Variants in CTSV observed in about 807,000 individuals in gnomAD.
CTSV encodes cathepsin V, also known as cathepsin L2.
In CTSV, 33 loss-of-function variants were observed where a neutral mutation model predicts 35.6. The ratio of observed to expected loss-of-function variants is 0.93; its 90% confidence interval spans 0.70 to 1.24. The LOEUF (loss-of-function observed/expected upper bound fraction) is 1.24. Among genes scored for constraint, CTSV ranks in the 50% most tolerant of loss-of-function variants. The pLI, the probability that CTSV is intolerant of heterozygous loss-of-function variation, is 0.00. For synonymous variants in CTSV, 154 were observed against 147.1 expected (o/e 1.05, Z -0.34); for missense variants, 408 against 413.1 (o/e 0.99, Z 0.11).
chr9:97,033,379 C>A (rs539660475), intron 7 of CTSV, among the ~76,000 whole-genome samples: 1 of 148,428 alleles, frequency 6.7e-6, no homozygotes, highest in Non-Finnish European at 1.5e-5. Context: ...GAGGCTGAGG[C>A]GGGTGGATCA....
chr9:97,034,871 G>T, intron 6 of CTSV, 28 bp from the exon 7 acceptor site: 1 of 1,570,474 alleles, frequency 6.4e-7, no homozygotes, highest in Non-Finnish European at 8.8e-7. Context: ...ATGCTGGGGT[G>T]AGAAGCTCCA....
rs966255726 is a variant in CTSV, at chr9:97,037,520, T to C, written c.222A>G (p.Thr74=). 5.0e-6 allele frequency: 8 copies of C among 1,614,076 alleles called. No homozygotes were observed. The African/African-American group carries it at 9.3e-5, about 19-fold the overall frequency. The change falls in exon 3 of 8, where the codon ACA becomes ACG. Residue 74 remains threonine, a synonymous_variant. Coordinates refer to ENST00000259470, the MANE Select transcript of CTSV (RefSeq NM_001333.4). ...GEYSQGKHGF[T]MAMNAFGDMT... ...TGTCACCAAAAGCATTCATGGCCAT[T>C]GTGAAGCCATGTTTCCCTTGGCTGT...
chr9:97,036,171 C>T (rs763592369), intron 5 of CTSV, among the ~76,000 whole-genome samples: 2 of 151,814 alleles, frequency 1.3e-5, no homozygotes, highest in African/African-American at 4.8e-5. Flanking sequence ...CCCGGGTTCA[C>T]GTCATTCTCC....
At position 97,036,842 on chromosome 9, in the gene CTSV, A is replaced by AC. The variant is rs796681869; in HGVS notation, c.397-96_397-95insG. The AC allele has an allele frequency of 3.8e-5, 46 of 1,209,180 alleles. No individual in the cohort carries two copies. In the African/African-American group the frequency reaches 6.9e-4, roughly 18 times the overall value. 74.9% of individuals were successfully genotyped at this position (1,209,180 alleles called of 1,614,324 possible). On this transcript the variant is annotated intron_variant, in intron 4 of 7. Coordinates refer to ENST00000259470, the MANE Select transcript of CTSV (RefSeq NM_001333.4). Reference sequence around the variant, plus strand: ...TACCTTAATATTCTTTAAAAAAAAAAAAAACCCATCGCCACACTTTGGGAG... The same window carrying AC: ...TACCTTAATATTCTTTAAAAAAAAAACAAAACCCATCGCCACACTTTGGGAG...
chr9:97,034,938 T>C (rs1486110908), intron 6 of CTSV, 95 bp from the exon 7 acceptor site: 4 of 880,186 alleles, frequency 4.5e-6, no homozygotes, highest in African/African-American at 1.7e-5. Flanking sequence ...CATCTCTAAA[T>C]TCAGTAAAAT....
At chr9:97,036,114 A>C (rs565082392) in intron 5 of CTSV, among the ~76,000 whole-genome samples, 10 of 150,322 alleles carry the variant, frequency 6.7e-5, no homozygotes, top group African/African-American at 2.4e-4. Context: ...TCTGCGGCCC[A>C]GGCTGGAGTG....
Position 97,032,737 on chromosome 9 carries a change from A to T in CTSV, c.*212T>A, listed in dbSNP as rs1828774974. 1 of 404,028 alleles carries T rather than the reference A, an allele frequency of 2.5e-6. No individual in the cohort carries two copies. The highest frequency in any genetic ancestry group is 4.2e-5 in the Admixed American group (1 of 23,940). The allele number at this position is 404,028 out of a possible 1,614,324, so 25.0% of individuals were successfully genotyped here. On this transcript the variant is annotated 3_prime_UTR_variant, in exon 8 of 8. Coordinates refer to ENST00000259470, the MANE Select transcript of CTSV (RefSeq NM_001333.4). ...AAATTCAAAAGTCTTAGAATTAAGC[A>T]ATGAGTCTTTGATATCATAAAGCTG...
chr9:97,033,041 G>A lies in CTSV; in HGVS notation c.913C>T (p.Pro305Ser), dbSNP rs1828781897. ...KYWLVKNSWGPEWGSNGYVKI... is the reference protein window; with the variant it reads ...KYWLVKNSWGSEWGSNGYVKI... ...ACATAGCCATTCGAGCCCCATTCTG[G>A]ACCCCAGCTGAAAGAGGAGCAGGTT... The change falls in exon 8 of 8, where the codon CCA (proline) becomes TCA (serine). Residue 305 changes from proline to serine, a missense_variant. Pro to Ser is a moderately conservative substitution (Grantham distance 74). Transcript: ENST00000259470. The A allele has an allele frequency of 1.2e-6, 2 of 1,608,174 alleles. No individual in the cohort carries two copies. The highest frequency in any genetic ancestry group is 1.3e-5 in the African/African-American group (1 of 74,726).
At position 97,030,065 on chromosome 9, in the gene CTSV, A is replaced by C. The variant is rs775668380; in HGVS notation, c.*2884T>G. On this transcript the variant is annotated 3_prime_UTR_variant, in exon 8 of 8. Coordinates refer to ENST00000259470, the MANE Select transcript of CTSV (RefSeq NM_001333.4). Reference sequence around the variant, plus strand: ...AATCACCCAAGACACATTTCTCAGAATGTATCCCCATCATTAAGCAACACA... The same window carrying C: ...AATCACCCAAGACACATTTCTCAGACTGTATCCCCATCATTAAGCAACACA... The C allele has an allele frequency of 3.9e-5, 6 of 152,252 alleles. No homozygotes were observed. The highest frequency in any genetic ancestry group is 5.9e-5 in the Non-Finnish European group (4 of 68,046). 9.4% of individuals were successfully genotyped at this position (152,252 alleles called of 1,614,324 possible). A position where few individuals can be genotyped will look rare whatever the true frequency, so the allele number is the denominator to read the frequency against.
intron 7 of CTSV, among the ~76,000 whole-genome samples, chr9:97,033,836 C>G (rs1398437072): frequency 1.3e-5 from 2 of 151,994 alleles, no homozygotes; most frequent in African/African-American, 4.8e-5. Flanking sequence ...TGGCTCATGT[C>G]TGTAATACCA....
intron 4 of CTSV, 82 bp from the exon 5 acceptor site, chr9:97,036,829 CT>C: frequency 1.7e-5 from 17 of 1,017,392 alleles, no homozygotes; most frequent in African/African-American, 4.0e-5. Flanking sequence ...CCTTAATATT[CT>C]TTAAAAAAAA....
chr9:97,032,988 G>C lies in CTSV; in HGVS notation c.966C>G (p.His322Gln), dbSNP rs765503098. 4 of 1,613,548 alleles carry C rather than the reference G, an allele frequency of 2.5e-6. No individual in the cohort carries two copies. In the African/African-American group the frequency reaches 4.0e-5, roughly 16 times the overall value. The change falls in exon 8 of 8, where the codon CAC becomes CAG. Residue 322 changes from histidine (H) to glutamine (Q), a missense_variant. His to Gln is a conservative substitution (Grantham distance 24). Coordinates refer to ENST00000259470, the MANE Select transcript of CTSV (RefSeq NM_001333.4). ...AGCTGGCTGCTGTGGCGATTCCACAGTGGTTGTTCTTGTCTTTGGCTATTT... is the reference window on the plus strand; with the variant it reads ...AGCTGGCTGCTGTGGCGATTCCACACTGGTTGTTCTTGTCTTTGGCTATTT... ...YVKIAKDKNN[H>Q]CGIATAASYP...
upstream of CTSV, chr9:97,039,288 T>A (rs774034979): frequency 6.6e-6 from 1 of 152,032 alleles, no homozygotes; most frequent in Non-Finnish European, 1.5e-5. Context: ...TCCCAACCCG[T>A]CTCAGGTCTG....
intron 6 of CTSV, among the ~76,000 whole-genome samples, chr9:97,035,136 GAT>G (rs2119231278): frequency 6.6e-6 from 1 of 152,314 alleles, no homozygotes; most frequent in Non-Finnish European, 1.5e-5. Flanking sequence ...AGGTGATTTA[GAT>G]ATCTCTGAGC....
rs764387463 is a variant in CTSV, at chr9:97,036,715, C to T, written c.429G>A (p.Ala143=). The stretch of plus-strand genomic sequence containing the variant: ...ACATCTGTCCTTCAAGAGCACCAGT[C>T]GCACTAAAAGCCCAACAAGAACCAC... ...KQCGSCWAFS[A]TGALEGQMFR... is the part of the protein sequence containing the mutation. The change falls in exon 5 of 8, where the codon GCG becomes GCA. Residue 143 remains alanine (A), a synonymous_variant. Transcript: ENST00000259470. 3.6e-5 allele frequency: 58 copies of T among 1,611,782 alleles called. No individual in the cohort carries two copies. The highest frequency in any genetic ancestry group is 4.3e-5 in the Non-Finnish European group (51 of 1,179,400).
Position 97,037,321 on chromosome 9 carries a change from A to T in CTSV, c.327T>A (p.Pro109=), listed in dbSNP as rs1215886163. ...CAGATTTGGGAAGATCAAGAAACAG[A>T]GGCTCACGGAACACTTTCCCCTTCC... ...KFRKGKVFRE[P]LFLDLPKSVD... Residue 109 remains proline, a synonymous_variant, in exon 4 of 8, where the codon CCT becomes CCA. Transcript: ENST00000259470. 1 of 1,614,056 alleles carries T rather than the reference A, an allele frequency of 6.2e-7. No homozygotes were observed. The highest frequency in any genetic ancestry group is 8.5e-7 in the Non-Finnish European group (1 of 1,180,036).
In CTSV at chr9:97,034,653, T is replaced by C. The variant is rs1030173198; in HGVS notation, c.905+73A>G. 5 of 1,149,818 alleles carry C rather than the reference T, an allele frequency of 4.3e-6. No individual in the cohort carries two copies. The Admixed American group carries it at 5.3e-5, about 12-fold the overall frequency. The allele number at this position is 1,149,818 out of a possible 1,614,324, so 71.2% of individuals were successfully genotyped here. ...AAGAAAGACTTTCGGAATTTTGAAATTGAGCTTTTGTGAACTTGTATCCAA... is the reference window on the plus strand; with the variant it reads ...AAGAAAGACTTTCGGAATTTTGAAACTGAGCTTTTGTGAACTTGTATCCAA... On this transcript the variant is annotated intron_variant, in intron 7 of 7. Coordinates refer to ENST00000259470, the MANE Select transcript of CTSV (RefSeq NM_001333.4).
Position 97,035,578 on chromosome 9 carries a change from A to G in CTSV, c.737T>C (p.Ile246Thr), listed in dbSNP as rs763750782. Reference protein sequence around the residue: ...LMKAVATVGPISVAMDAGHSS... With the variant: ...LMKAVATVGPTSVAMDAGHSS... ...ATGGCCTGCATCCATAGCAACGGAG[A>G]TGGGCCCCACAGTTGCGACTGCTTT... Residue 246 changes from isoleucine to threonine, a missense_variant, in exon 6 of 8, where the codon ATC becomes ACC. Ile to Thr is a moderately conservative substitution (Grantham distance 89). Transcript: ENST00000259470. 8.8e-6 allele frequency: 14 copies of G among 1,595,890 alleles called. No homozygotes were observed. Among genetic ancestry groups the G allele is most frequent in the Non-Finnish European group, 1.2e-5 (14 of 1,169,196 alleles).
chr9:97,030,441 G>A lies in CTSV; in HGVS notation c.*2508C>T, dbSNP rs1285464741. ...TGTTCGAGTATAGGAAATATTTGCC[G>A]AGACCAGCTTGGTCATGGAGACCCT... On this transcript the variant is annotated 3_prime_UTR_variant, in exon 8 of 8. Transcript: ENST00000259470. The A allele has an allele frequency of 6.6e-6, 1 of 152,072 alleles. No homozygotes were observed. Among genetic ancestry groups the A allele is most frequent in the Non-Finnish European group, 1.5e-5 (1 of 68,018 alleles). 9.4% of individuals were successfully genotyped at this position (152,072 alleles called of 1,614,324 possible).
Sources: gnomAD v4.1 joint callset for allele counts (sites outside exome capture counted in the v4.1 genomes callset) on GRCh38, gnomAD v4.1.1 for gene constraint, MANE v1.5 for transcripts, NCBI Gene and HGNC (gene_info 2026-07-23, HGNC 2026-07-21) for gene names.